Variants in SOX5 observed in about 807,000 individuals in gnomAD.
The protein encoded by SOX5 is SRY-box transcription factor 5, also known as transcription factor SOX-5.
SOX5 carries 9 observed loss-of-function variants against 92.0 expected under a neutral mutation model. The observed-to-expected ratio is 0.10, with a 90% CI of 0.06 to 0.17. The LOEUF (loss-of-function observed/expected upper bound fraction) is 0.17. Among genes scored for constraint, SOX5 ranks in the 10% least tolerant of loss-of-function variants. The pLI, the probability that SOX5 is intolerant of heterozygous loss-of-function variation, is 1.00. For missense variants in SOX5, 642 were observed against 944.5 expected (o/e 0.68, Z 4.20); for synonymous variants, 344 against 336.3 (o/e 1.02, Z -0.25).
intron 2 of SOX5, among the ~76,000 whole-genome samples, chr12:23,863,665 T>C (rs2136494623): frequency 6.6e-6 from 1 of 152,258 alleles, no homozygotes; most frequent in South Asian, 2.1e-4. Context: ...TTTCCTAAGG[T>C]ACTTAACATC....
chr12:24,506,342 G>T (rs1411366794), intron 1 of SOX5, among the ~76,000 whole-genome samples: 1 of 124,874 alleles, frequency 8.0e-6, no homozygotes, highest in African/African-American at 3.0e-5. Flanking sequence ...AGATTAAAAA[G>T]AAAAAAATAA....
At chr12:24,432,262 T>C (rs1938497877) in intron 1 of SOX5, among the ~76,000 whole-genome samples, 1 of 152,218 alleles carries the variant, frequency 6.6e-6, no homozygotes, top group Admixed American at 6.5e-5. Context: ...GAAATCTCAC[T>C]GTGCTTCACA....
chr12:24,438,871 G>A (rs1442230352), intron 1 of SOX5, among the ~76,000 whole-genome samples: 1 of 152,208 alleles, frequency 6.6e-6, no homozygotes, highest in Non-Finnish European at 1.5e-5. Context: ...TTGTTGAAAA[G>A]GCATCAAAGG....
intron 4 of SOX5, among the ~76,000 whole-genome samples, chr12:23,976,591 G>A (rs754240696): frequency 2.6e-5 from 4 of 151,992 alleles, no homozygotes; most frequent in Non-Finnish European, 5.9e-5. Flanking sequence ...AGTAGATTTG[G>A]ATAATATAAT....
intron 4 of SOX5, among the ~76,000 whole-genome samples, chr12:23,959,188 TAAAC>T (rs1946613683): frequency 1.3e-5 from 2 of 151,798 alleles, no homozygotes; most frequent in African/African-American, 2.4e-5. Flanking sequence ...TATATAAAAT[TAAAC>T]AAGAATAATC....
At chr12:24,106,425 G>A (rs1442315630) in intron 4 of SOX5, among the ~76,000 whole-genome samples, 1 of 152,062 alleles carries the variant, frequency 6.6e-6, no homozygotes, top group Non-Finnish European at 1.5e-5. Context: ...ATGAAGCAAC[G>A]GGAAACGTAA....
At chr12:23,548,389 C>T (rs148171757) in intron 11 of SOX5, among the ~76,000 whole-genome samples, 26 of 152,094 alleles carry the variant, frequency 1.7e-4, no homozygotes, top group African/African-American at 6.0e-4. Flanking sequence ...CTAATGCACC[C>T]AATATTAATA....
intron 1 of SOX5, among the ~76,000 whole-genome samples, chr12:24,543,673 G>A (rs1952351161): frequency 6.6e-6 from 1 of 152,216 alleles, no homozygotes; most frequent in East Asian, 1.9e-4. Context: ...GGGTGACAGA[G>A]TGAGACCCTG....
At chr12:23,563,981 C>T (rs1946650537) in intron 10 of SOX5, among the ~76,000 whole-genome samples, 1 of 152,108 alleles carries the variant, frequency 6.6e-6, no homozygotes, top group South Asian at 2.1e-4. Flanking sequence ...CAGTGGTTTG[C>T]TATTGATGCA....
intron 8 of SOX5, among the ~76,000 whole-genome samples, chr12:23,634,362 C>G (rs2078948119): frequency 2.0e-5 from 3 of 152,152 alleles, no homozygotes; most frequent in Non-Finnish European, 4.4e-5. Flanking sequence ...AGTGTGCTAT[C>G]TCTTAGGATC....
intron 2 of SOX5, among the ~76,000 whole-genome samples, chr12:24,304,459 C>T (rs554247446): frequency 2.6e-5 from 4 of 152,188 alleles, no homozygotes; most frequent in South Asian, 4.2e-4. Flanking sequence ...GAAATCAAAG[C>T]CTGACAGCCA....
At chr12:23,679,350 G>C (rs923841781) in intron 6 of SOX5, among the ~76,000 whole-genome samples, 5 of 152,132 alleles carry the variant, frequency 3.3e-5, no homozygotes, top group Admixed American at 2.0e-4. Flanking sequence ...AGGATACCAG[G>C]ACATTTCTAC....
At chr12:24,071,421 T>TTTTTTA (rs1408407211) in intron 4 of SOX5, among the ~76,000 whole-genome samples, 1 of 152,092 alleles carries the variant, frequency 6.6e-6, no homozygotes. Flanking sequence ...TCAAGCCTTG[T>TTTTTTA]TTTTTATTTT....
chr12:23,804,915 T>TTTTATATA (rs1168376435), intron 3 of SOX5, among the ~76,000 whole-genome samples: 1 of 75,048 alleles, frequency 1.3e-5, no homozygotes, highest in African/African-American at 5.1e-5. Context: ...TATCATTGTT[T>TTTTATATA]TATATATATA....
intron 3 of SOX5, among the ~76,000 whole-genome samples, chr12:24,224,213 T>C (rs747608295): frequency 6.6e-6 from 1 of 152,338 alleles, no homozygotes; most frequent in Non-Finnish European, 1.5e-5. Flanking sequence ...GCTTCAGTTG[T>C]GCCGCTTCAC....
At chr12:24,179,596 A>T (rs186507185) in intron 4 of SOX5, among the ~76,000 whole-genome samples, 10 of 152,328 alleles carry the variant, frequency 6.6e-5, no homozygotes, top group African/African-American at 2.4e-4. Context: ...CAAAATGCCC[A>T]TCTGTGTCTC....
intron 1 of SOX5, among the ~76,000 whole-genome samples, chr12:24,390,562 T>C (rs1043566328): frequency 3.3e-5 from 5 of 152,166 alleles, no homozygotes; most frequent in African/African-American, 1.2e-4. Flanking sequence ...TTAAGTAATT[T>C]ATCATTCCTT....
At chr12:23,760,702 T>G (rs1245935942) in intron 3 of SOX5, among the ~76,000 whole-genome samples, 1 of 152,042 alleles carries the variant, frequency 6.6e-6, no homozygotes, top group Middle Eastern at 3.2e-3. Flanking sequence ...CCTTTTTCCC[T>G]TCAGTGCCAA....
chr12:23,976,700 CAA>C (rs1156747032), intron 4 of SOX5, among the ~76,000 whole-genome samples: 3 of 152,092 alleles, frequency 2.0e-5, no homozygotes, highest in African/African-American at 4.8e-5. Flanking sequence ...CATTATACTA[CAA>C]AGAGTCCCTT....
Sources: allele counts gnomAD v4.1 joint callset (sites outside exome capture counted in the v4.1 genomes callset), GRCh38; gene constraint gnomAD v4.1.1; transcripts MANE v1.5; gene names NCBI Gene and HGNC (gene_info 2026-07-23, HGNC 2026-07-21).